The following DEPDC7 variants were observed in gnomAD, a reference collection of about 807,000 sequenced individuals.
DEPDC7 encodes the protein DEP domain containing 7.
A neutral mutation model predicts 56.6 loss-of-function variants in DEPDC7; 41 were observed. The observed-to-expected ratio is 0.72, with a 90% CI of 0.56 to 0.94. The LOEUF (loss-of-function observed/expected upper bound fraction) is 0.94, where lower values mean the gene tolerates loss of function less well. Ranked by LOEUF, DEPDC7 falls within the 40% of genes least tolerant of loss-of-function variation. The pLI, the probability that DEPDC7 is intolerant of heterozygous loss-of-function variation, is 0.00. For synonymous variants in DEPDC7, 185 were observed against 208.8 expected (o/e 0.89, Z 0.98); for missense variants, 522 against 596.3 (o/e 0.88, Z 1.30).
chr11:33,027,701 A>G lies in DEPDC7; in HGVS notation c.480A>G (p.Leu160=), dbSNP rs1312801561. ...LYSPARYADA[L]FKSSDIRSAS... Reference sequence around the variant, plus strand: ...TTCATTTTAGGTATGCAGATGCATTATTTAAGTCATCCGATATCAGATCAG... The same window carrying G: ...TTCATTTTAGGTATGCAGATGCATTGTTTAAGTCATCCGATATCAGATCAG... The change falls in exon 3 of 9, where the codon TTA becomes TTG. Residue 160 remains leucine (L), a synonymous_variant. Transcript: ENST00000241051. The G allele has an allele frequency of 6.5e-7, 1 of 1,536,894 alleles. No homozygotes were observed. Among genetic ancestry groups the G allele is most frequent in the East Asian group, 2.5e-5 (1 of 40,760 alleles).
Position 33,033,300 on chromosome 11 carries a change from T to A in DEPDC7, c.1381T>A (p.Ser461Thr). 1 of 1,601,764 alleles carries A rather than the reference T, an allele frequency of 6.2e-7. No individual in the cohort carries two copies. Reference sequence around the variant, plus strand: ...CCAGAGAATTGATCAACGTGACTATTCCAACAATACAGAGAAGACAACCAA... The same window carrying A: ...CCAGAGAATTGATCAACGTGACTATACCAACAATACAGAGAAGACAACCAA... ...YCQRIDQRDY[S>T]NNTEKTTKDE... Residue 461 changes from serine (S) to threonine (T), a missense_variant, in exon 9 of 9, where the codon TCC becomes ACC. Transcript: ENST00000241051.
At chr11:33,029,480 A>G (rs975258528) in intron 4 of DEPDC7, among the ~76,000 whole-genome samples, 8 of 124,142 alleles carry the variant, frequency 6.4e-5, no homozygotes, top group African/African-American at 2.2e-4. Context: ...TGACAGAGTG[A>G]GAATGTCTCA....
chr11:33,016,586 G>A (rs753518618), intron 1 of DEPDC7: 12 of 1,613,942 alleles, frequency 7.4e-6, no homozygotes, highest in Admixed American at 1.7e-5. Context: ...GGCATAAAAG[G>A]TATTTATTAA....
Position 33,025,768 on chromosome 11 carries a change from A to G in DEPDC7, c.183A>G (p.Arg61=). 1.2e-6 allele frequency: 2 copies of G among 1,614,230 alleles called. No individual in the cohort carries two copies. Among genetic ancestry groups the G allele is most frequent in the Non-Finnish European group, 8.5e-7 (1 of 1,180,040 alleles). Residue 61 remains arginine, a synonymous_variant, in exon 2 of 9, where the codon CGA becomes CGG. Transcript: ENST00000241051. ...EVKKRRHRLK[R]HNDCFVGSEA... ...AAAAACGAAGGCACCGTTTAAAACGACATAATGACTGCTTTGTTGGTTCAG... is the reference window on the plus strand; with the variant it reads ...AAAAACGAAGGCACCGTTTAAAACGGCATAATGACTGCTTTGTTGGTTCAG...
intron 1 of DEPDC7, among the ~76,000 whole-genome samples, chr11:33,024,284 CTG>C (rs370170655): frequency 1.3e-5 from 2 of 152,232 alleles, no homozygotes; most frequent in African/African-American, 4.8e-5. Flanking sequence ...TGTGCGTACT[CTG>C]TCTTTGCAAT....
At chr11:33,024,281 ACT>A (rs1590207756) in intron 1 of DEPDC7, among the ~76,000 whole-genome samples, 1 of 152,250 alleles carries the variant, frequency 6.6e-6, no homozygotes, top group African/African-American at 2.4e-5. Context: ...TTCTGTGCGT[ACT>A]CTGTCTTTGC....
rs866171135 is a variant in DEPDC7 at position 33,025,989 on chromosome 11, C to T, written c.404C>T (p.Thr135Ile). ...EDSSCSLYRFTTIPNQDSQLG... is the reference protein window; with the variant it reads ...EDSSCSLYRFITIPNQDSQLG... ...AGTAGTTGCAGCCTTTATAGATTCA[C>T]CACAATACCTAACCAAGACAGTCAG... The change falls in exon 2 of 9, where the codon ACC becomes ATC. Residue 135 changes from threonine to isoleucine, a missense_variant. Thr to Ile is a moderately conservative substitution (Grantham distance 89). Coordinates refer to ENST00000241051, the MANE Select transcript of DEPDC7 (RefSeq NM_001077242.2). 1 of 1,614,052 alleles carries T rather than the reference C, an allele frequency of 6.2e-7. No homozygotes were observed.
At chr11:33,016,082 G>T (rs1853454696) in intron 1 of DEPDC7, 54 bp downstream of exon 1, 14 of 1,338,890 alleles carry the variant, frequency 1.0e-5, no homozygotes, top group Non-Finnish European at 1.3e-5. Flanking sequence ...GGGGTGCGCG[G>T]GCTGGGTCCC....
rs764065037 is a variant in DEPDC7 at position 33,033,288 on chromosome 11, C to G, written c.1369C>G (p.Gln457Glu). ...ATATATTTATTGCCAGAGAATTGAT[C>G]AACGTGACTATTCCAACAATACAGA... ...AGYIYCQRID[Q>E]RDYSNNTEKT... Residue 457 changes from glutamine (Q) to glutamate (E), a missense_variant, in exon 9 of 9, where the codon CAA (glutamine) becomes GAA (glutamate). Transcript: ENST00000241051. The G allele has an allele frequency of 1.2e-5, 19 of 1,596,686 alleles. No homozygotes were observed. In the South Asian group the frequency reaches 2.0e-4, roughly 16 times the overall value.
chr11:33,027,857 CAA>C, intron 3 of DEPDC7, 44 bp downstream of exon 3: 1 of 1,471,946 alleles, frequency 6.8e-7, no homozygotes, highest in South Asian at 1.4e-5. Context: ...AGACAAACTT[CAA>C]AGTTATTTAA....
Position 33,026,875 on chromosome 11 carries a change from A to G in DEPDC7, c.465-811A>G, listed in dbSNP as rs138643461. Among the ~76,000 whole-genome samples, 646 of 152,110 alleles carry G rather than the reference A, an allele frequency of 4.2e-3. 3 individuals are homozygous for G. The highest frequency in any genetic ancestry group is 7.9e-3 in the Non-Finnish European group (536 of 67,986). On this transcript the variant is annotated intron_variant, in intron 2 of 8. Transcript: ENST00000241051. ...ATTCCTGGGCTCAAGTGATCCTCCC[A>G]TCTTGTGCTCCTAAAGTGTTGGAAT...
chr11:33,015,982 T>C lies in DEPDC7; in HGVS notation c.27T>C (p.Ala9=), dbSNP rs1853452426. The C allele has an allele frequency of 1.3e-6, 2 of 1,577,468 alleles. No individual in the cohort carries two copies. Among genetic ancestry groups the C allele is most frequent in the Non-Finnish European group, 1.7e-6 (2 of 1,162,676 alleles). Residue 9 remains alanine (A), a synonymous_variant, in exon 1 of 9, where the codon GCT becomes GCC. Transcript: ENST00000241051. ...TGGCCACCGTGCAGGAGAAGGCTGC[T>C]GCGCTGAACCTCTCGGCTCTCCACA... MATVQEKA[A]ALNLSALHSP...
intron 8 of DEPDC7, 92 bp downstream of exon 8, chr11:33,033,059 T>A: frequency 9.1e-7 from 1 of 1,098,716 alleles, no homozygotes; most frequent in South Asian, 1.6e-5. Flanking sequence ...GGACTTTAAT[T>A]TCAACCAAAT....
At chr11:33,016,441 C>G in intron 1 of DEPDC7, 1 of 1,573,862 alleles carries the variant, frequency 6.4e-7, no homozygotes, top group Non-Finnish European at 8.6e-7. Flanking sequence ...CTTGACGACA[C>G]AGTATGGCCA....
At chr11:33,027,895 G>T in intron 3 of DEPDC7, 82 bp downstream of exon 3, 1 of 1,345,212 alleles carries the variant, frequency 7.4e-7, no homozygotes, top group Non-Finnish European at 9.8e-7. Flanking sequence ...ATCTTTATTA[G>T]ATTTTAAATA....
At chr11:33,016,656 A>G in intron 1 of DEPDC7, 1 of 1,537,732 alleles carries the variant, frequency 6.5e-7, no homozygotes, top group Non-Finnish European at 9.0e-7. Flanking sequence ...AAACAGTTAC[A>G]TGAAATTAGG....
At chr11:33,023,823 A>T (rs1266760635) in intron 1 of DEPDC7, among the ~76,000 whole-genome samples, 1 of 152,238 alleles carries the variant, frequency 6.6e-6, no homozygotes, top group Non-Finnish European at 1.5e-5. Context: ...TGCCTAAAAA[A>T]GTAGGAAGAT....
Position 33,015,900 on chromosome 11 carries a change from G to A in DEPDC7, c.-56G>A. On this transcript the variant is annotated 5_prime_UTR_variant, in exon 1 of 9. Transcript: ENST00000241051. ...CGCACAGTTAACAGACGGGCGCTCA[G>A]GGAGCTAGGGAGCTGTGAAGCTGCT... is the stretch of plus-strand genomic sequence containing the variant. 4.6e-6 allele frequency: 7 copies of A among 1,511,274 alleles called. No homozygotes were observed. Among genetic ancestry groups the A allele is most frequent in the Non-Finnish European group, 5.4e-6 (6 of 1,120,684 alleles). 93.6% of individuals were successfully genotyped at this position (1,511,274 alleles called of 1,614,324 possible).
chr11:33,031,442 G>A lies in DEPDC7; in HGVS notation c.847G>A (p.Glu283Lys), dbSNP rs1398139068. ...LEYLPDQMVVEISRSFPEQPD... is the reference protein window; with the variant it reads ...LEYLPDQMVVKISRSFPEQPD... ...ATACCTTCCAGACCAAATGGTGGTG[G>A]AAATAAGCAGAAGCTTTCCTGAGCA... The change falls in exon 5 of 9, where the codon GAA becomes AAA. Residue 283 changes from glutamate (E) to lysine (K), a missense_variant. Glu to Lys is a moderately conservative substitution (Grantham distance 56). Coordinates refer to ENST00000241051, the MANE Select transcript of DEPDC7 (RefSeq NM_001077242.2). 1 of 1,614,080 alleles carries A rather than the reference G, an allele frequency of 6.2e-7. No individual in the cohort carries two copies. Among genetic ancestry groups the A allele is most frequent in the Non-Finnish European group, 8.5e-7 (1 of 1,180,038 alleles).
Sources: gnomAD v4.1 joint callset for allele counts (sites outside exome capture counted in the v4.1 genomes callset) on GRCh38, gnomAD v4.1.1 for gene constraint, MANE v1.5 for transcripts, NCBI Gene and HGNC (gene_info 2026-07-23, HGNC 2026-07-21) for gene names.